Variants in WDFY3 observed in about 807,000 individuals in gnomAD.
WDFY3 encodes WD repeat and FYVE domain containing 3.
In WDFY3, 66 loss-of-function variants were observed where a neutral mutation model predicts 409.6. That is an observed-to-expected ratio of 0.16 (90% CI 0.13 to 0.20). The LOEUF is 0.20. WDFY3 is among the 10% of genes least tolerant of loss of function. The pLI is 1.00. For synonymous variants in WDFY3, 1,521 were observed against 1,537.1 expected, an observed-to-expected ratio of 0.99 and a Z score of 0.25; for missense variants, 3,031 against 4,298.1, an observed-to-expected ratio of 0.71 and a Z score of 8.24.
rs185592289 is a variant in WDFY3 at position 84,724,165 on chromosome 4, T to C, written c.7441+261A>G. On this transcript the variant is annotated intron_variant, in intron 46 of 67. Transcript: ENST00000295888. ...TGTATTAAAAAAACTAAATATCAAG[T>C]GCCACTGAGAATTCTGAGAAATACA... 3.0e-3 allele frequency among the ~76,000 whole-genome samples: 456 copies of C among 152,274 alleles called. 3 individuals are homozygous for C. Among genetic ancestry groups the C allele is most frequent in the African/African-American group, 0.011 (438 of 41,568 alleles).
intron 4 of WDFY3, among the ~76,000 whole-genome samples, chr4:84,851,370 A>G (rs140795255): frequency 4.9e-4 from 75 of 152,242 alleles, no homozygotes; most frequent in African/African-American, 1.7e-3. Context: ...AACATAATTT[A>G]CTCAACTTCA....
chr4:84,736,685 A>T (rs1348768798), intron 41 of WDFY3, among the ~76,000 whole-genome samples: 2 of 152,324 alleles, frequency 1.3e-5, no homozygotes, highest in Non-Finnish European at 2.9e-5. Flanking sequence ...AAGGCTATAC[A>T]GCTTATACAC....
intron 4 of WDFY3, among the ~76,000 whole-genome samples, chr4:84,850,357 C>T (rs1758731118): frequency 6.6e-6 from 1 of 151,970 alleles, no homozygotes; most frequent in South Asian, 2.1e-4. Flanking sequence ...CTCACTCTGT[C>T]GCCTAGGCTG....
In WDFY3 at chr4:84,783,050, C is replaced by T. The variant is rs1415185091; in HGVS notation, c.4087G>A (p.Ala1363Thr). 2 of 1,613,886 alleles carry T rather than the reference C, an allele frequency of 1.2e-6. No homozygotes were observed. Among genetic ancestry groups the T allele is most frequent in the Admixed American group, 3.3e-5 (2 of 59,980 alleles). Reference sequence around the variant, plus strand: ...TTGTGTATCAACTTCACAGGAGTGGCATTCTCATGTGAGGAAATGCCTAAC... The same window carrying T: ...TTGTGTATCAACTTCACAGGAGTGGTATTCTCATGTGAGGAAATGCCTAAC... ...KQLGISSHENATPVKLIHNSA... is the reference protein window; with the variant it reads ...KQLGISSHENTTPVKLIHNSA... Residue 1363 changes from alanine (A) to threonine (T), a missense_variant, in exon 25 of 68, where the codon GCC becomes ACC. By Grantham distance (58) the Ala-to-Thr change is moderately conservative. Around this residue, in one of 16 missense-constraint regions of WDFY3, gnomAD observed 1,322 missense variants for 1,697.9 expected, o/e 0.78. Transcript: ENST00000295888.
chr4:84,958,679 A>C (rs1774542345), intron 1 of WDFY3, among the ~76,000 whole-genome samples: 1 of 152,200 alleles, frequency 6.6e-6, no homozygotes, highest in Non-Finnish European at 1.5e-5. Context: ...GCTCAAACAC[A>C]CTGAGCTCAG....
intron 50 of WDFY3, among the ~76,000 whole-genome samples, chr4:84,714,842 C>T (rs757619169): frequency 1.1e-4 from 16 of 150,728 alleles, no homozygotes; most frequent in Non-Finnish European, 1.9e-4. Context: ...TCCAGCTACT[C>T]GGGAGGCTGA....
At chr4:84,958,495 T>C (rs1453411327) in intron 1 of WDFY3, among the ~76,000 whole-genome samples, 1 of 152,060 alleles carries the variant, frequency 6.6e-6, no homozygotes, top group Non-Finnish European at 1.5e-5. Context: ...AAACCAGCTA[T>C]TAAGTTTCAT....
chr4:84,707,422 C>T (rs1732150808), intron 53 of WDFY3, among the ~76,000 whole-genome samples: 4 of 152,140 alleles, frequency 2.6e-5, no homozygotes, highest in African/African-American at 9.7e-5. Context: ...GTAGACATGC[C>T]TTGGCCACTG....
chr4:84,716,871 A>T lies in WDFY3; in HGVS notation c.7875+25T>A, dbSNP rs17368157. ...ATTTTCAGAATAAAGAAACATGATA[A>T]AACAGTACTACTAAATTGACTCACC... On this transcript the variant is annotated intron_variant, in intron 49 of 67. Transcript: ENST00000295888. The T allele has an allele frequency of 0.037, 55,938 of 1,508,978 alleles. 1,297 individuals are homozygous for T. Among genetic ancestry groups the T allele is most frequent in the African/African-American group, 0.077 (5,399 of 70,530 alleles). 93.5% of individuals were successfully genotyped at this position (1,508,978 alleles called of 1,614,324 possible).
intron 53 of WDFY3, among the ~76,000 whole-genome samples, chr4:84,706,932 T>G (rs531744611): frequency 6.6e-6 from 1 of 151,592 alleles, no homozygotes; most frequent in Non-Finnish European, 1.5e-5. Flanking sequence ...TTATTTATTT[T>G]TACTTCTTTT....
intron 3 of WDFY3, among the ~76,000 whole-genome samples, chr4:84,877,249 G>C (rs908743878): frequency 1.3e-5 from 2 of 152,098 alleles, no homozygotes; most frequent in African/African-American, 4.8e-5. Context: ...CTCTCCTGGG[G>C]GCTCTCCCCG....
chr4:84,932,602 G>T (rs1368396691), intron 1 of WDFY3, among the ~76,000 whole-genome samples: 1 of 152,128 alleles, frequency 6.6e-6, no homozygotes, highest in African/African-American at 2.4e-5. Flanking sequence ...TTACTGATAA[G>T]GAAACTTTGA....
At chr4:84,737,090 C>T (rs1737572532) in intron 41 of WDFY3, 94 bp downstream of exon 41, 3 of 1,325,182 alleles carry the variant, frequency 2.3e-6, no homozygotes, top group African/African-American at 1.5e-5. Flanking sequence ...TTTATAGAAT[C>T]CTTTTGTGAA....
chr4:84,894,476 C>T (rs1200020737), intron 3 of WDFY3, among the ~76,000 whole-genome samples: 4 of 151,792 alleles, frequency 2.6e-5, no homozygotes, highest in Non-Finnish European at 4.4e-5. Context: ...CTGGCCAACA[C>T]GGTGAAACCC....
At position 84,789,745 on chromosome 4, in the gene WDFY3, T is replaced by A; in HGVS notation, c.3650A>T (p.Gln1217Leu). ...ACTTACCTTTACAGTGTTAACAAGCTGTCCATCAATATAAAGGGCTGCAGT... is the reference window on the plus strand; with the variant it reads ...ACTTACCTTTACAGTGTTAACAAGCAGTCCATCAATATAAAGGGCTGCAGT... Reference protein sequence around the residue: ...NSTAALYIDGQLVNTVKLHYV... With the variant: ...NSTAALYIDGLLVNTVKLHYV... Residue 1217 changes from glutamine to leucine, a missense_variant, in exon 22 of 68, where the codon CAG (glutamine) becomes CTG (leucine). Physicochemically the swap from Gln to Leu is moderately radical, Grantham distance 113. Transcript: ENST00000295888. 6.2e-7 allele frequency: 1 copy of A among 1,614,052 alleles called. No individual in the cohort carries two copies. Among genetic ancestry groups the A allele is most frequent in the Non-Finnish European group, 8.5e-7 (1 of 1,180,018 alleles).
At chr4:84,832,621 ATT>A (rs1440649171) in intron 7 of WDFY3, among the ~76,000 whole-genome samples, 4 of 152,206 alleles carry the variant, frequency 2.6e-5, no homozygotes, top group African/African-American at 7.2e-5. Context: ...TGCAATTATT[ATT>A]TGTCAATTAA....
At chr4:84,745,253 T>C (rs933689383) in intron 36 of WDFY3, among the ~76,000 whole-genome samples, 1 of 152,206 alleles carries the variant, frequency 6.6e-6, no homozygotes, top group Admixed American at 6.5e-5. Flanking sequence ...AGGTTTTTGA[T>C]AGGAGTTGGA....
Position 84,798,223 on chromosome 4 carries a change from AT to A in WDFY3, c.2823-116del, listed in dbSNP as rs1176881378. 7 of 848,024 alleles carry A rather than the reference AT, an allele frequency of 8.3e-6. No individual in the cohort carries two copies. In the Admixed American group the frequency reaches 8.9e-5, roughly 11 times the overall value. The allele number at this position is 848,024 out of a possible 1,614,324, so 52.5% of individuals were successfully genotyped here. A position where few individuals can be genotyped will look rare whatever the true frequency, so the allele number is the denominator to read the frequency against. On this transcript the variant is annotated intron_variant, in intron 17 of 67. Coordinates refer to ENST00000295888, the MANE Select transcript of WDFY3 (RefSeq NM_014991.6). ...CCAACAGACTAATTACAATAAAAAA[AT>A]GCAAAGTATAATAAAACAATATAGT...
chr4:84,831,614 TA>T lies in WDFY3; in HGVS notation c.577-10del. On this transcript the variant is annotated splice_polypyrimidine_tract_variant and intron_variant, in intron 7 of 67. Transcript: ENST00000295888. ...CACAGTTTCACTAAGATCTAAAAAA[TA>T]AAACAAAACAAAACAAGAGTGTATA... 1 of 1,593,382 alleles carries T rather than the reference TA, an allele frequency of 6.3e-7. No individual in the cohort carries two copies.
Sources: gnomAD v4.1 joint callset for allele counts (sites outside exome capture counted in the v4.1 genomes callset) on GRCh38, gnomAD v4.1.1 for gene constraint, gnomAD v4.1.1 regional missense constraint, MANE v1.5 for transcripts, NCBI Gene and HGNC (gene_info 2026-07-23, HGNC 2026-07-21) for gene names.